ZNF70: variants seen among roughly 807,000 people sequenced by gnomAD.
The protein encoded by ZNF70 is zinc finger protein 70, also known as zinc finger protein N27C7-1.
A neutral mutation model predicts 37.7 loss-of-function variants in ZNF70; 18 were observed. That is an observed-to-expected ratio of 0.48 (90% CI 0.33 to 0.71). The LOEUF (loss-of-function observed/expected upper bound fraction) is 0.71. ZNF70 is among the 30% of genes least tolerant of loss of function. The probability of loss-of-function intolerance (pLI) is 0.02; values close to 1 mark genes in which losing one functional copy is unlikely to be tolerated. For synonymous variants in ZNF70, 219 were observed against 220.1 expected, an observed-to-expected ratio of 0.99 and a Z score of 0.05; for missense variants, 506 against 568.6, an observed-to-expected ratio of 0.89 and a Z score of 1.12.
In ZNF70 at chr22:23,740,237, G is replaced by A. The variant is rs1229458476; in HGVS notation, c.*3563C>T. On this transcript the variant is annotated 3_prime_UTR_variant, in exon 2 of 2. Coordinates refer to ENST00000341976, the MANE Select transcript of ZNF70 (RefSeq NM_021916.4). ...AGGCAGGAGAATGGTCTGAACCTGG[G>A]AGGTAGAGCTTGCAGTAAGCCGAGA... is the stretch of plus-strand genomic sequence containing the variant. 2.0e-5 allele frequency: 3 copies of A among 151,534 alleles called. No individual in the cohort carries two copies. Among genetic ancestry groups the A allele is most frequent in the Non-Finnish European group, 4.4e-5 (3 of 67,966 alleles). 9.4% of individuals were successfully genotyped at this position (151,534 alleles called of 1,614,324 possible). A position where few individuals can be genotyped will look rare whatever the true frequency, so the allele number is the denominator to read the frequency against.
At chr22:23,746,994 C>T (rs138018163) in intron 1 of ZNF70, among the ~76,000 whole-genome samples, 8 of 152,280 alleles carry the variant, frequency 5.3e-5, no homozygotes, top group Non-Finnish European at 1.0e-4. Flanking sequence ...TTGAAAATTC[C>T]CTAAGGGCAA....
intron 1 of ZNF70, among the ~76,000 whole-genome samples, chr22:23,749,007 T>C (rs914389447): frequency 8.6e-5 from 13 of 151,974 alleles, no homozygotes; most frequent in Non-Finnish European, 1.9e-4. Context: ...TTCTCCTATC[T>C]CAGCCTCTTA....
In ZNF70 at chr22:23,744,606, G is replaced by C. The variant is rs1014267085; in HGVS notation, c.535C>G (p.Gln179Glu). 3 of 1,613,742 alleles carry C rather than the reference G, an allele frequency of 1.9e-6. No homozygotes were observed. The African/African-American group carries it at 4.0e-5, about 22-fold the overall frequency. The change falls in exon 2 of 2, where the codon CAG becomes GAG. Residue 179 changes from glutamine (Q) to glutamate (E), a missense_variant. Physicochemically the swap from Gln to Glu is conservative, Grantham distance 29. Transcript: ENST00000341976. ...ECCECGKAFSQSSHLLRHQII... is the reference protein window; with the variant it reads ...ECCECGKAFSESSHLLRHQII... ...TGGTGCCTGAGCAGGTGGGAGCTCT[G>C]GCTGAAGGCCTTCCCGCACTCACAG...
Position 23,744,706 on chromosome 22 carries a change from A to C in ZNF70, c.435T>G (p.Cys145Trp), listed in dbSNP as rs747267034. The change falls in exon 2 of 2, where the codon TGT becomes TGG. Residue 145 changes from cysteine (C) to tryptophan (W), a missense_variant. By Grantham distance (215) the Cys-to-Trp change is radical (BLOSUM62 -2). Coordinates refer to ENST00000341976, the MANE Select transcript of ZNF70 (RefSeq NM_021916.4). ...GCGAGCTCTGGCTGAAGGCCTTCCC[A>C]CACTCTCGACACGCATAGGGCTTGG... The part of the protein sequence containing the change: ...QPAKPYACRE[C>W]GKAFSQSSHL... 1 of 1,614,094 alleles carries C rather than the reference A, an allele frequency of 6.2e-7. No homozygotes were observed. Among genetic ancestry groups the C allele is most frequent in the Non-Finnish European group, 8.5e-7 (1 of 1,180,020 alleles).
chr22:23,744,849 T>G lies in ZNF70; in HGVS notation c.292A>C (p.Lys98Gln). Residue 98 changes from lysine (K) to glutamine (Q), a missense_variant, in exon 2 of 2, where the codon AAA (lysine) becomes CAA (glutamine). Physicochemically the swap from Lys to Gln is moderately conservative, Grantham distance 53. Coordinates refer to ENST00000341976, the MANE Select transcript of ZNF70 (RefSeq NM_021916.4). ...DELFGQTFLQ[K>Q]SDLSMCQIIH... is the part of the protein sequence containing the mutation. ...ATCTGACACATGCTGAGGTCGGATT[T>G]CTGGAGGAAGGTTTGTCCGAAGAGC... 6.2e-7 allele frequency: 1 copy of G among 1,614,212 alleles called. No individual in the cohort carries two copies. The highest frequency in any genetic ancestry group is 8.5e-7 in the Non-Finnish European group (1 of 1,180,032).
At chr22:23,748,613 C>T (rs1255961007) in intron 1 of ZNF70, among the ~76,000 whole-genome samples, 1 of 150,362 alleles carries the variant, frequency 6.7e-6, no homozygotes, top group Non-Finnish European at 1.5e-5. Context: ...GGCCCAATCT[C>T]GGCTCACTGC....
intron 1 of ZNF70, among the ~76,000 whole-genome samples, chr22:23,747,460 T>A (rs1050163764): frequency 6.6e-6 from 1 of 152,122 alleles, no homozygotes; most frequent in African/African-American, 2.4e-5. Context: ...CACCCATTCA[T>A]GGAAAAATTG....
Position 23,741,466 on chromosome 22 carries a change from C to G in ZNF70, c.*2334G>C, listed in dbSNP as rs377057324. 1 of 152,184 alleles carries G rather than the reference C, an allele frequency of 6.6e-6. No homozygotes were observed. The highest frequency in any genetic ancestry group is 1.5e-5 in the Non-Finnish European group (1 of 68,052). The allele number at this position is 152,184 out of a possible 1,614,324, so 9.4% of individuals were successfully genotyped here. ...GGTTAAATGTTAAATGTTTCACATA[C>G]GTAGCAAAGACAGGGGCTGGACAGA... On this transcript the variant is annotated 3_prime_UTR_variant, in exon 2 of 2. Transcript: ENST00000341976.
At position 23,744,407 on chromosome 22, in the gene ZNF70, A is replaced by G. The variant is rs1925015938; in HGVS notation, c.734T>C (p.Ile245Thr). The G allele has an allele frequency of 6.2e-7, 1 of 1,613,642 alleles. No homozygotes were observed. Among genetic ancestry groups the G allele is most frequent in the Admixed American group, 1.7e-5 (1 of 59,962 alleles). Residue 245 changes from isoleucine (I) to threonine (T), a missense_variant, in exon 2 of 2, where the codon ATT becomes ACT. By Grantham distance (89) the Ile-to-Thr change is moderately conservative (BLOSUM62 -1). Transcript: ENST00000341976. ...CTGATAAGGTCTCTCTCCTGTATGAATTCTCTCGTGTTTTCTGAGGCTGGA... is the reference window on the plus strand; with the variant it reads ...CTGATAAGGTCTCTCTCCTGTATGAGTTCTCTCGTGTTTTCTGAGGCTGGA... ...RSSSLRKHER[I>T]HTGERPYQCK...
chr22:23,744,718 C>T lies in ZNF70; in HGVS notation c.423G>A (p.Ala141=), dbSNP rs73881803. 4,710 of 1,614,216 alleles carry T rather than the reference C, an allele frequency of 2.9e-3. 115 individuals are homozygous for T. The African/African-American group carries it at 0.05, about 17-fold the overall frequency. Residue 141 remains alanine (A), a synonymous_variant, in exon 2 of 2, where the codon GCG becomes GCA. Transcript: ENST00000341976. ...HRTPQPAKPY[A]CRECGKAFSQ... Reference sequence around the variant, plus strand: ...TGAAGGCCTTCCCACACTCTCGACACGCATAGGGCTTGGCTGGTTGTGGGG... The same window carrying T: ...TGAAGGCCTTCCCACACTCTCGACATGCATAGGGCTTGGCTGGTTGTGGGG...
At chr22:23,749,273 T>TG (rs906766097) in intron 1 of ZNF70, among the ~76,000 whole-genome samples, 12 of 130,708 alleles carry the variant, frequency 9.2e-5, no homozygotes. Context: ...CGCTTGAACC[T>TG]GGGGGGCGGA....
Position 23,751,011 on chromosome 22 carries a change from C to T in ZNF70, c.-380G>A, listed in dbSNP as rs958877092. On this transcript the variant is annotated 5_prime_UTR_variant, in exon 1 of 2. Coordinates refer to ENST00000341976, the MANE Select transcript of ZNF70 (RefSeq NM_021916.4). ...CCGGGGCGGGGCAGCTCACCTGGGC[C>T]GGGGCGGGGCCGCAGGCGGGCGGGG... 17 of 144,646 alleles carry T rather than the reference C, an allele frequency of 1.2e-4. No homozygotes were observed. Among genetic ancestry groups the T allele is most frequent in the African/African-American group, 4.2e-4 (17 of 40,164 alleles). 9.0% of individuals were successfully genotyped at this position (144,646 alleles called of 1,614,324 possible). A position where few individuals can be genotyped will look rare whatever the true frequency, so the allele number is the denominator to read the frequency against.
chr22:23,749,348 CAAAAAAAAAAAAAAAAAAAAA>C (rs757866335), intron 1 of ZNF70, among the ~76,000 whole-genome samples: 1 of 14,334 alleles, frequency 7.0e-5, no homozygotes, highest in Non-Finnish European at 1.3e-4. Context: ...GACTCCATCT[CAAAAAAAAAAAAAAAAAAAAA>C]AAAAAAAAAA....
In ZNF70 at chr22:23,742,438, G is replaced by A. The variant is rs1924905764; in HGVS notation, c.*1362C>T. On this transcript the variant is annotated 3_prime_UTR_variant, in exon 2 of 2. Transcript: ENST00000341976. ...AGGCGGGGAAGACAGACAGAATGTG[G>A]AAGTGCAGAATGACACTGCTGCTAC... The A allele has an allele frequency of 6.6e-6, 1 of 152,376 alleles. No homozygotes were observed. Among genetic ancestry groups the A allele is most frequent in the Non-Finnish European group, 1.5e-5 (1 of 68,114 alleles). The allele number at this position is 152,376 out of a possible 1,614,324, so 9.4% of individuals were successfully genotyped here.
intron 1 of ZNF70, among the ~76,000 whole-genome samples, chr22:23,747,261 G>A (rs906485436): frequency 1.6e-4 from 24 of 152,302 alleles, no homozygotes; most frequent in African/African-American, 5.8e-4. Flanking sequence ...GTGAGCGGAA[G>A]GTGAGCGAGC....
In ZNF70 at chr22:23,744,762, G is replaced by C. The variant is rs1925048747; in HGVS notation, c.379C>G (p.Pro127Ala). 1 of 1,614,220 alleles carries C rather than the reference G, an allele frequency of 6.2e-7. No homozygotes were observed. The highest frequency in any genetic ancestry group is 8.5e-7 in the Non-Finnish European group (1 of 1,180,052). The stretch of plus-strand genomic sequence containing the variant: ...TGTGGGGTTCTGTGAGGTGCGTTAG[G>C]TCCTGAGTCCCCTCTGTCTGTTTCT... ...CAETDRGDSG[P>A]NAPHRTPQPA... Residue 127 changes from proline (P) to alanine (A), a missense_variant, in exon 2 of 2, where the codon CCT (proline) becomes GCT (alanine). By Grantham distance (27) the Pro-to-Ala change is conservative (BLOSUM62 -1). Transcript: ENST00000341976.
At chr22:23,745,346 G>A in intron 1 of ZNF70, 127 bp from the exon 2 acceptor site, 1 of 608,854 alleles carries the variant, frequency 1.6e-6, no homozygotes, top group Non-Finnish European at 2.8e-6. Context: ...CCCTTAAGAT[G>A]ATCCCAAATG....
rs148015271 is a variant in ZNF70 at position 23,747,901 on chromosome 22, C to T, written c.-79-2682G>A. ...GAGCTGCTCCAGTTGAAGGAGGGCGCGTTAGCAGGGACAAGGAAGGAAGCT... is the reference window on the plus strand; with the variant it reads ...GAGCTGCTCCAGTTGAAGGAGGGCGTGTTAGCAGGGACAAGGAAGGAAGCT... On this transcript the variant is annotated intron_variant, in intron 1 of 1. Coordinates refer to ENST00000341976, the MANE Select transcript of ZNF70 (RefSeq NM_021916.4). Among the ~76,000 whole-genome samples, 30 of 152,128 alleles carry T rather than the reference C, an allele frequency of 2.0e-4. No individual in the cohort carries two copies. The East Asian group carries it at 3.7e-3, about 19-fold the overall frequency.
intron 1 of ZNF70, among the ~76,000 whole-genome samples, chr22:23,749,729 C>A (rs1925262284): frequency 6.6e-6 from 1 of 152,006 alleles, no homozygotes; most frequent in South Asian, 2.1e-4. Flanking sequence ...CCCCCTCGCC[C>A]AGCCCTAAAG....
Sources: allele counts gnomAD v4.1 joint callset (sites outside exome capture counted in the v4.1 genomes callset), GRCh38; gene constraint gnomAD v4.1.1; transcripts MANE v1.5; gene names NCBI Gene and HGNC (gene_info 2026-07-23, HGNC 2026-07-21).